PTGER3: variants seen among roughly 807,000 people sequenced by gnomAD.
PTGER3 encodes the protein prostaglandin E receptor 3.
PTGER3 carries 22 observed loss-of-function variants against 34.7 expected under a neutral mutation model. The ratio of observed to expected loss-of-function variants is 0.63; its 90% CI spans 0.45 to 0.91. The LOEUF (loss-of-function observed/expected upper bound fraction) is 0.91, where lower values mean the gene tolerates loss of function less well. Among genes scored for constraint, PTGER3 ranks in the 40% least tolerant of loss-of-function variants. The pLI, the probability that PTGER3 is intolerant of heterozygous loss-of-function variation, is 0.00. For missense variants in PTGER3, 468 were observed against 519.4 expected (o/e 0.90, Z 0.96); for synonymous variants, 241 against 230.1 (o/e 1.05, Z -0.43).
intron 4 of PTGER3, among the ~76,000 whole-genome samples, chr1:70,885,770 A>G (rs1338338315): frequency 6.6e-6 from 1 of 152,220 alleles, no homozygotes; most frequent in Non-Finnish European, 1.5e-5. Flanking sequence ...AAAGATATAC[A>G]ATATGATAAA....
chr1:70,947,577 C>A (rs991067682), downstream of PTGER3: 3 of 152,034 alleles, frequency 2.0e-5, no homozygotes, highest in African/African-American at 7.2e-5. Context: ...ACAACTTTTT[C>A]TTTCTTTCTT....
chr1:70,892,908 G>C (rs774243057), intron 4 of PTGER3, among the ~76,000 whole-genome samples: 25 of 150,864 alleles, frequency 1.7e-4, no homozygotes, highest in Non-Finnish European at 3.2e-4. Context: ...TATCTTCCTA[G>C]CACGTAAAAT....
intron 2 of PTGER3, chr1:71,005,943 T>C (rs1015625674): frequency 4.8e-6 from 3 of 619,634 alleles, no homozygotes; most frequent in Non-Finnish European, 6.0e-6. Context: ...TTTCGATACA[T>C]ATAATGTATA....
At chr1:70,988,625 G>GA (rs1004313558) in intron 2 of PTGER3, among the ~76,000 whole-genome samples, 3 of 152,196 alleles carry the variant, frequency 2.0e-5, no homozygotes, top group Non-Finnish European at 4.4e-5. Flanking sequence ...ATGACAGCTA[G>GA]AAATAGCTCC....
At chr1:70,871,140 C>T (rs975657508) in intron 4 of PTGER3, among the ~76,000 whole-genome samples, 5 of 152,146 alleles carry the variant, frequency 3.3e-5, no homozygotes, top group African/African-American at 1.2e-4. Context: ...CTGCAGGTCA[C>T]ACAAGCATGG....
chr1:70,859,873 C>T (rs1645889280), intron 4 of PTGER3, among the ~76,000 whole-genome samples: 1 of 152,136 alleles, frequency 6.6e-6, no homozygotes, highest in African/African-American at 2.4e-5. Flanking sequence ...GTTTGACTTT[C>T]TGAGTTCTTC....
At chr1:70,926,976 A>T (rs1648157408) in intron 4 of PTGER3, among the ~76,000 whole-genome samples, 1 of 152,172 alleles carries the variant, frequency 6.6e-6, no homozygotes, top group Admixed American at 6.5e-5. Flanking sequence ...TATATGCTGG[A>T]TTACATTTAT....
intron 1 of PTGER3, among the ~76,000 whole-genome samples, chr1:71,026,610 C>T (rs1658947524): frequency 6.6e-6 from 1 of 151,344 alleles, no homozygotes; most frequent in South Asian, 2.1e-4. Context: ...TTTGTCTCTT[C>T]TATTGATTTA....
intron 1 of PTGER3, among the ~76,000 whole-genome samples, chr1:71,033,715 G>C (rs1195031538): frequency 6.7e-6 from 1 of 148,922 alleles, no homozygotes; most frequent in Non-Finnish European, 1.5e-5. Context: ...TTTTTTTTTT[G>C]AGTCAATTTC....
chr1:71,009,612 T>G (rs981241456), intron 2 of PTGER3: 11 of 985,196 alleles, frequency 1.1e-5, no homozygotes, highest in Non-Finnish European at 1.3e-5. Context: ...CACTACTTGG[T>G]AAAATTGACA....
intron 4 of PTGER3, among the ~76,000 whole-genome samples, chr1:70,897,147 C>G (rs1004810257): frequency 7.9e-5 from 12 of 152,048 alleles, no homozygotes; most frequent in African/African-American, 2.4e-4. Context: ...ACCCCGTTCC[C>G]CTTTCCTTTG....
At chr1:70,947,708 G>A (rs548359737), downstream of PTGER3, among the ~76,000 whole-genome samples, 1 of 152,060 alleles carries the variant, frequency 6.6e-6, no homozygotes, top group Non-Finnish European at 1.5e-5. Context: ...TGAGTTTCAG[G>A]TTACATTGCT....
chr1:71,019,022 C>T (rs549646951), intron 1 of PTGER3, among the ~76,000 whole-genome samples: 12 of 152,144 alleles, frequency 7.9e-5, no homozygotes, highest in Non-Finnish European at 1.5e-4. Context: ...ACTGGGGCTC[C>T]AAATTCTTCA....
intron 4 of PTGER3, among the ~76,000 whole-genome samples, chr1:70,932,659 G>C (rs994956528): frequency 2.6e-5 from 4 of 152,080 alleles, no homozygotes; most frequent in African/African-American, 9.7e-5. Context: ...GCAGTATGGG[G>C]GAAATTGCAC....
chr1:70,898,114 G>C (rs1056861090), intron 4 of PTGER3, among the ~76,000 whole-genome samples: 1 of 152,016 alleles, frequency 6.6e-6, no homozygotes, highest in Admixed American at 6.6e-5. Context: ...GTCCTTTGCT[G>C]GCTCTGGGAA....
At chr1:71,043,807 G>GT (rs376878455) in intron 1 of PTGER3, among the ~76,000 whole-genome samples, 8,569 of 145,944 alleles carry the variant, frequency 0.059, 343 homozygotes, top group Middle Eastern at 0.11. Flanking sequence ...GATATTTGGA[G>GT]TTTTTTTTTT....
chr1:70,955,144 C>T (rs896429065), intron 2 of PTGER3, among the ~76,000 whole-genome samples: 1 of 152,076 alleles, frequency 6.6e-6, no homozygotes, highest in East Asian at 1.9e-4. Context: ...TGTAGCCAGA[C>T]AAACTTGAGT....
chr1:70,998,870 G>C (rs1395009550), intron 2 of PTGER3, among the ~76,000 whole-genome samples: 2 of 152,082 alleles, frequency 1.3e-5, no homozygotes, highest in Admixed American at 1.3e-4. Flanking sequence ...GATGACGGTG[G>C]ATAAGTACCA....
chr1:70,879,189 T>TA (rs1646334014), intron 4 of PTGER3, among the ~76,000 whole-genome samples: 3 of 152,168 alleles, frequency 2.0e-5, no homozygotes, highest in African/African-American at 7.2e-5. Context: ...TAGTAAGGTC[T>TA]TCTTGTTGGA....
Sources: gnomAD v4.1 joint callset for allele counts (sites outside exome capture counted in the v4.1 genomes callset) on GRCh38, gnomAD v4.1.1 for gene constraint, MANE v1.5 for transcripts, NCBI Gene and HGNC (gene_info 2026-07-23, HGNC 2026-07-21) for gene names.